Variants in PIWIL1 observed in about 807,000 individuals in gnomAD.
PIWIL1 encodes piwi-like protein 1.
Under a neutral mutation model 114.4 loss-of-function variants are expected in PIWIL1, and 73 were observed. The observed-to-expected ratio is 0.64, with a 90% CI of 0.53 to 0.78. The LOEUF (loss-of-function observed/expected upper bound fraction) is 0.78. Ranked by LOEUF, PIWIL1 falls within the 30% of genes least tolerant of loss-of-function variation. The probability of loss-of-function intolerance (pLI) is 0.00; values close to 1 mark genes in which losing one functional copy is unlikely to be tolerated. For missense variants in PIWIL1, 723 were observed against 1,063.1 expected (o/e 0.68, Z 4.45); for synonymous variants, 375 against 369.0 (o/e 1.02, Z -0.19).
intron 16 of PIWIL1, among the ~76,000 whole-genome samples, chr12:130,362,442 T>G (rs906704720): frequency 6.6e-6 from 1 of 152,230 alleles, no homozygotes; most frequent in African/African-American, 2.4e-5. Flanking sequence ...GCCATGAGTG[T>G]GCTTCTGTGC....
At chr12:130,424,995 GGCCGGGGGCAT>G in the PIWIL1 span, 36 of 454,612 alleles carry the variant, frequency 7.9e-5, no homozygotes, top group African/African-American at 6.8e-4. This position sits in a 1 kb window ranked among gnomAD's most constrained non-coding sequence, Gnocchi z 9.8. Flanking sequence ...CGTCTACTCA[GGCCGGGGGCAT>G]GCCGTGGAGG....
chr12:130,361,515 C>A lies in PIWIL1; in HGVS notation c.1884C>A (p.Ile628=). ...TATTGAAGCTGAAGCTCGTGATGATCGTTGGCATCGATTGTTACCATGACA... is the reference window on the plus strand; with the variant it reads ...TATTGAAGCTGAAGCTCGTGATGATAGTTGGCATCGATTGTTACCATGACA... ...RVDIPLKLVM[I]VGIDCYHDMT... Residue 628 remains isoleucine, a synonymous_variant, in exon 16 of 21, where the codon ATC becomes ATA. Coordinates refer to ENST00000245255, the MANE Select transcript of PIWIL1 (RefSeq NM_004764.5). 1 of 1,614,120 alleles carries A rather than the reference C, an allele frequency of 6.2e-7. No homozygotes were observed. Among genetic ancestry groups the A allele is most frequent in the South Asian group, 1.1e-5 (1 of 91,070 alleles).
the PIWIL1 span, chr12:130,425,049 C>T: frequency 2.5e-6 from 1 of 401,276 alleles, no homozygotes; most frequent in Non-Finnish European, 4.3e-6. Flanking sequence ...GGTTACGGGG[C>T]TGGGGCGGGG....
chr12:130,379,015 T>C, the PIWIL1 span, among the ~76,000 whole-genome samples: 5 of 152,328 alleles, frequency 3.3e-5, no homozygotes, highest in East Asian at 9.7e-4. Context: ...TACTCTTCGA[T>C]GTGCTTCATG....
At position 130,371,483 on chromosome 12, in the gene PIWIL1, G is replaced by C; in HGVS notation, c.2471G>C (p.Gly824Ala). 6.2e-7 allele frequency: 1 copy of C among 1,613,658 alleles called. No homozygotes were observed. The highest frequency in any genetic ancestry group is 8.5e-7 in the Non-Finnish European group (1 of 1,179,652). The change falls in exon 21 of 21, where the codon GGT becomes GCT. Residue 824 changes from glycine to alanine, a missense_variant and splice_region_variant. By Grantham distance (60) the Gly-to-Ala change is moderately conservative. Transcript: ENST00000245255. The part of the protein sequence containing the change: ...KLCHIYYNWP[G>A]VIRVPAPCQY... ...AACCTTTTTTTCCTTCCACTAAAGG[G>C]TGTCATTCGTGTTCCTGCTCCTTGC...
chr12:130,404,163 GAAAT>G, the PIWIL1 span, among the ~76,000 whole-genome samples: 1 of 152,124 alleles, frequency 6.6e-6, no homozygotes, highest in Admixed American at 6.5e-5. Flanking sequence ...GTTGATAAGA[GAAAT>G]AAATGCATTC....
the PIWIL1 span, among the ~76,000 whole-genome samples, chr12:130,381,613 C>A: frequency 1.3e-5 from 2 of 152,290 alleles, no homozygotes; most frequent in African/African-American, 4.8e-5. Context: ...ATGAATAAAA[C>A]TGCCATAAAC....
chr12:130,353,664 C>T (rs966221965), intron 9 of PIWIL1, among the ~76,000 whole-genome samples: 6 of 152,228 alleles, frequency 3.9e-5, no homozygotes, highest in South Asian at 2.1e-4. Flanking sequence ...CCGTGACTCA[C>T]GCCTCTAATC....
At chr12:130,344,833 A>G (rs1172951252) in intron 3 of PIWIL1, among the ~76,000 whole-genome samples, 1 of 152,234 alleles carries the variant, frequency 6.6e-6, no homozygotes, top group African/African-American at 2.4e-5. Context: ...CAAAAGTGTC[A>G]TCCTGCAATT....
chr12:130,342,669 CG>C lies in PIWIL1; in HGVS notation c.78+1del, dbSNP rs1565939469. 6.2e-7 allele frequency: 1 copy of C among 1,609,284 alleles called. No homozygotes were observed. Among genetic ancestry groups the C allele is most frequent in the South Asian group, 1.1e-5 (1 of 90,796 alleles). ...CAGCGCAGCTGGTGGGCTCCACTGC[CG>C]TGAGTGCTTCACCGTTTCTGACTAC... On this transcript the variant is annotated splice_donor_variant, in intron 2 of 20. Coordinates refer to ENST00000245255, the MANE Select transcript of PIWIL1 (RefSeq NM_004764.5). LOFTEE classifies it high-confidence loss of function.
chr12:130,397,126 C>T, the PIWIL1 span: 1 of 314,644 alleles, frequency 3.2e-6, no homozygotes. Flanking sequence ...CGTCCCCTCC[C>T]ACCTCCCAAA....
At chr12:130,394,977 T>C in the PIWIL1 span, among the ~76,000 whole-genome samples, 1 of 151,996 alleles carries the variant, frequency 6.6e-6, no homozygotes, top group Non-Finnish European at 1.5e-5. Context: ...AATGGGAGGG[T>C]CATTCTGAAT....
chr12:130,389,516 A>G, the PIWIL1 span, among the ~76,000 whole-genome samples: 1 of 152,046 alleles, frequency 6.6e-6, no homozygotes, highest in Admixed American at 6.6e-5. Flanking sequence ...TCATTATTTT[A>G]CACTTTTTCC....
At chr12:130,375,031 AC>A (rs1016499784), downstream of PIWIL1, among the ~76,000 whole-genome samples, 18 of 151,552 alleles carry the variant, frequency 1.2e-4, no homozygotes, top group African/African-American at 4.4e-4. Context: ...AGACACCCCG[AC>A]CCCCGCAAAA....
chr12:130,346,412 G>T lies in PIWIL1; in HGVS notation c.359G>T (p.Arg120Leu). ...GTAAGGTTAAGCACTAACCATTTCC[G>T]GCTGACATCCCGTCCCCAGTGGGCC... ...IIVRLSTNHF[R>L]LTSRPQWALY... The change falls in exon 5 of 21, where the codon CGG (arginine) becomes CTG (leucine). Residue 120 changes from arginine (R) to leucine (L), a missense_variant. Physicochemically the swap from Arg to Leu is moderately radical, Grantham distance 102. Around this residue, in one of 8 missense-constraint regions of PIWIL1, gnomAD observed 190 missense variants for 294.4 expected, o/e 0.65. Transcript: ENST00000245255. 1 of 1,614,064 alleles carries T rather than the reference G, an allele frequency of 6.2e-7. No individual in the cohort carries two copies.
the PIWIL1 span, among the ~76,000 whole-genome samples, chr12:130,394,089 C>T: frequency 1.3e-5 from 2 of 152,238 alleles, no homozygotes; most frequent in Admixed American, 1.3e-4. Flanking sequence ...CCTGGGCCTT[C>T]TCGGCACTCT....
chr12:130,358,324 T>A (rs1371063043), intron 14 of PIWIL1, among the ~76,000 whole-genome samples: 1 of 152,212 alleles, frequency 6.6e-6, no homozygotes, highest in African/African-American at 2.4e-5. Flanking sequence ...ATGCAGCAAG[T>A]GTGTGTTGTG....
At chr12:130,380,688 G>A in the PIWIL1 span, among the ~76,000 whole-genome samples, 1 of 152,302 alleles carries the variant, frequency 6.6e-6, no homozygotes, top group Admixed American at 6.5e-5. Context: ...GTTGCCCTGG[G>A]TTGTCTTCCC....
intron 6 of PIWIL1, 111 bp downstream of exon 6, chr12:130,347,173 G>A: frequency 5.0e-6 from 4 of 798,336 alleles, no homozygotes; most frequent in Non-Finnish European, 4.0e-6. Context: ...TGGGATTATT[G>A]AGTTTCTCTG....
Sources: allele counts gnomAD v4.1 joint callset (sites outside exome capture counted in the v4.1 genomes callset), GRCh38; gene constraint gnomAD v4.1.1; regional missense constraint gnomAD v4.1.1; non-coding constraint Gnocchi (gnomAD v3.1); transcripts MANE v1.5; gene names NCBI Gene and HGNC (gene_info 2026-07-23, HGNC 2026-07-21).